ATR: variants seen among roughly 807,000 people sequenced by gnomAD.
ATR encodes the protein serine/threonine-protein kinase ATR.
ATR carries 142 observed loss-of-function variants against 305.3 expected under a neutral mutation model. The ratio of observed to expected loss-of-function variants is 0.47; its 90% CI spans 0.41 to 0.53. The LOEUF (loss-of-function observed/expected upper bound fraction) is 0.53. Among genes scored for constraint, ATR ranks in the 20% least tolerant of loss-of-function variants. The probability of loss-of-function intolerance (pLI) is 0.00; values close to 1 mark genes in which losing one functional copy is unlikely to be tolerated. For missense variants in ATR, 2,135 were observed against 3,133.1 expected (o/e 0.68, Z 7.60); for synonymous variants, 1,050 against 1,068.1 (o/e 0.98, Z 0.33).
At chr3:142,495,349 G>T (rs987199296) in intron 34 of ATR, among the ~76,000 whole-genome samples, 10 of 152,246 alleles carry the variant, frequency 6.6e-5, no homozygotes, top group Admixed American at 5.2e-4. Flanking sequence ...AACAATAGTT[G>T]CTAAGTATCA....
At chr3:142,528,218 A>G (rs2033476898) in intron 21 of ATR, among the ~76,000 whole-genome samples, 1 of 152,224 alleles carries the variant, frequency 6.6e-6, no homozygotes, top group South Asian at 2.1e-4. Flanking sequence ...AACGTCTGAC[A>G]TATATTCACA....
chr3:142,494,290 T>C (rs1317556266), intron 34 of ATR, among the ~76,000 whole-genome samples: 1 of 152,088 alleles, frequency 6.6e-6, no homozygotes. Flanking sequence ...GACCAATCCC[T>C]CCATGGATAT....
intron 20 of ATR, 45 bp downstream of exon 20, chr3:142,536,063 T>C (rs2033847362): frequency 1.5e-6 from 2 of 1,312,652 alleles, no homozygotes; most frequent in Non-Finnish European, 2.2e-6. Context: ...TTGGGAACAA[T>C]TCTGTATTAA....
chr3:142,494,267 T>C (rs2031458878), intron 34 of ATR, among the ~76,000 whole-genome samples: 1 of 152,106 alleles, frequency 6.6e-6, no homozygotes, highest in African/African-American at 2.4e-5. Flanking sequence ...TTGTTATCCA[T>C]AGAGAATCCT....
intron 46 of ATR, chr3:142,451,303 G>C (rs1467397433): frequency 1.3e-5 from 16 of 1,238,788 alleles, no homozygotes; most frequent in Admixed American, 3.2e-5. Flanking sequence ...GTGTGGGCAA[G>C]TTTGCCTGTC....
At chr3:142,557,457 T>A (rs1214530731) in intron 8 of ATR, among the ~76,000 whole-genome samples, 1 of 152,158 alleles carries the variant, frequency 6.6e-6, no homozygotes, top group African/African-American at 2.4e-5. Context: ...TCACCATGGA[T>A]AAGTCTCATA....
chr3:142,547,493 A>G (rs915235484), intron 16 of ATR, among the ~76,000 whole-genome samples: 2 of 152,232 alleles, frequency 1.3e-5, no homozygotes, highest in African/African-American at 4.8e-5. Flanking sequence ...GTAAATATGT[A>G]AACAAAGTTG....
chr3:142,458,865 C>G (rs1030981418), intron 44 of ATR, 93 bp downstream of exon 44: 1 of 1,395,428 alleles, frequency 7.2e-7, no homozygotes, highest in Non-Finnish European at 1.0e-6. Flanking sequence ...GTGAGTATAA[C>G]TGCTACTAAC....
chr3:142,561,164 A>T, intron 5 of ATR, 79 bp downstream of exon 5: 1 of 1,469,902 alleles, frequency 6.8e-7, no homozygotes, highest in Non-Finnish European at 9.5e-7. Flanking sequence ...AAATCAAAGC[A>T]CTTAACTAAA....
chr3:142,472,084 A>ATT (rs1553753347), intron 36 of ATR: 2 of 94,732 alleles, frequency 2.1e-5, no homozygotes, highest in Middle Eastern at 4.7e-3. Context: ...ATAGTATTCC[A>ATT]TTGTGTGTGT....
intron 26 of ATR, among the ~76,000 whole-genome samples, 159 bp from the exon 27 acceptor site, chr3:142,512,629 G>A (rs576218122): frequency 1.5e-4 from 23 of 152,312 alleles, no homozygotes; most frequent in African/African-American, 4.8e-4. Context: ...GGGAGGCTGA[G>A]GCAGCCCAAT....
intron 29 of ATR, among the ~76,000 whole-genome samples, chr3:142,504,595 TG>T (rs1285280781): frequency 1.3e-5 from 2 of 151,722 alleles, no homozygotes; most frequent in Non-Finnish European, 2.9e-5. Context: ...CCCAAGTAGC[TG>T]GGATTACAGG....
intron 46 of ATR, chr3:142,450,323 C>A: frequency 9.1e-7 from 1 of 1,099,774 alleles, no homozygotes; most frequent in Non-Finnish European, 1.3e-6. Context: ...GCACTTGAGC[C>A]ATGTGCGTGA....
At position 142,491,526 on chromosome 3, in the gene ATR, A is replaced by C. The variant is rs377562622; in HGVS notation, c.6078+1606T>G. Among the ~76,000 whole-genome samples the C allele has an allele frequency of 5.9e-5, 9 of 152,326 alleles. No individual in the cohort carries two copies. The East Asian group carries it at 1.7e-3, about 29-fold the overall frequency. On this transcript the variant is annotated intron_variant, in intron 35 of 46. Transcript: ENST00000350721. ...GTACTGGTGAGTTTTTGTGTGCCTC[A>C]TAAGTTGTTGTGTCTTACATACTAG...
chr3:142,452,285 T>C, intron 46 of ATR: 1 of 991,690 alleles, frequency 1.0e-6, no homozygotes, highest in African/African-American at 1.7e-5. Context: ...TTGGTATAAT[T>C]CATTGTATTT....
chr3:142,536,594 G>A (rs1340830244), intron 19 of ATR, among the ~76,000 whole-genome samples: 1 of 152,206 alleles, frequency 6.6e-6, no homozygotes, highest in Non-Finnish European at 1.5e-5. Flanking sequence ...AGAGCCCTGA[G>A]TCACTACGTA....
At chr3:142,477,772 C>T (rs1015392430) in intron 36 of ATR, among the ~76,000 whole-genome samples, 3 of 152,110 alleles carry the variant, frequency 2.0e-5, no homozygotes, top group Non-Finnish European at 4.4e-5. Context: ...ATTTCAGAGC[C>T]TGTTATTGGT....
In ATR at chr3:142,540,934, A is replaced by C; in HGVS notation, c.3551T>G (p.Phe1184Cys). The change falls in exon 18 of 47, where the codon TTC becomes TGC. Residue 1184 changes from phenylalanine (F) to cysteine (C), a missense_variant. Physicochemically the swap from Phe to Cys is radical, Grantham distance 205. Transcript: ENST00000350721. ...MMTTLRTGLRFKDDFPELCCR... is the reference protein window; with the variant it reads ...MMTTLRTGLRCKDDFPELCCR... ...ACACAATTCAGGAAAATCATCCTTGAATCGAAGGCCAGTTCTCAGTGTGGT... is the reference window on the plus strand; with the variant it reads ...ACACAATTCAGGAAAATCATCCTTGCATCGAAGGCCAGTTCTCAGTGTGGT... 6.2e-7 allele frequency: 1 copy of C among 1,613,320 alleles called. No homozygotes were observed. The highest frequency in any genetic ancestry group is 8.5e-7 in the Non-Finnish European group (1 of 1,179,628).
intron 1 of ATR, among the ~76,000 whole-genome samples, chr3:142,569,989 G>C (rs923677342): frequency 6.6e-6 from 1 of 152,140 alleles, no homozygotes; most frequent in African/African-American, 2.4e-5. Flanking sequence ...GTGTGAAACA[G>C]TATCCTGTGG....
Sources: allele counts gnomAD v4.1 joint callset (sites outside exome capture counted in the v4.1 genomes callset), GRCh38; gene constraint gnomAD v4.1.1; transcripts MANE v1.5; gene names NCBI Gene and HGNC (gene_info 2026-07-23, HGNC 2026-07-21).